EHBP1: variants seen among roughly 807,000 people sequenced by gnomAD.
EHBP1 encodes EH domain-binding protein 1.
EHBP1 carries 55 observed loss-of-function variants against 144.0 expected under a neutral mutation model. The observed-to-expected ratio is 0.38, with a 90% CI of 0.31 to 0.48. The LOEUF is 0.48. Among genes scored for constraint, EHBP1 ranks in the 20% least tolerant of loss-of-function variants. The pLI, the probability that EHBP1 is intolerant of heterozygous loss-of-function variation, is 0.98. For missense variants in EHBP1, 1,200 were observed against 1,364.2 expected (o/e 0.88, Z 1.90); for synonymous variants, 469 against 472.7 (o/e 0.99, Z 0.10).
chr2:62,871,261 G>T (rs2050458509), intron 9 of EHBP1, among the ~76,000 whole-genome samples: 1 of 152,150 alleles, frequency 6.6e-6, no homozygotes, highest in Non-Finnish European at 1.5e-5. Flanking sequence ...GACATCTAAT[G>T]TTTGCTTAAA....
At chr2:62,726,060 C>G (rs765314864) in intron 2 of EHBP1, among the ~76,000 whole-genome samples, 1 of 152,042 alleles carries the variant, frequency 6.6e-6, no homozygotes, top group Non-Finnish European at 1.5e-5. Flanking sequence ...CAAGACTGCC[C>G]TGCAGAGTTG....
intron 9 of EHBP1, among the ~76,000 whole-genome samples, chr2:62,873,281 G>A (rs888479582): frequency 1.1e-4 from 17 of 152,050 alleles, no homozygotes; most frequent in Admixed American, 5.2e-4. Flanking sequence ...ATGTTTAAAT[G>A]ATTAGTAACT....
At chr2:62,691,241 T>C (rs2033893744) in intron 1 of EHBP1, among the ~76,000 whole-genome samples, 1 of 152,242 alleles carries the variant, frequency 6.6e-6, no homozygotes, top group African/African-American at 2.4e-5. Flanking sequence ...AGTCTGGTGA[T>C]AGGCAGTTCA....
chr2:62,883,139 A>G (rs2051615660), intron 10 of EHBP1, among the ~76,000 whole-genome samples: 1 of 152,126 alleles, frequency 6.6e-6, no homozygotes, highest in Non-Finnish European at 1.5e-5. Flanking sequence ...AAGTAGTGAC[A>G]CTGCCAGGAT....
At chr2:62,874,710 A>T (rs1230322195) in intron 10 of EHBP1, among the ~76,000 whole-genome samples, 178 bp downstream of exon 10, 1 of 152,218 alleles carries the variant, frequency 6.6e-6, no homozygotes, top group African/African-American at 2.4e-5. Flanking sequence ...AGTTTACAGT[A>T]CAGTATGGAT....
chr2:62,886,960 G>A (rs2051981976), intron 10 of EHBP1, among the ~76,000 whole-genome samples: 1 of 152,064 alleles, frequency 6.6e-6, no homozygotes, highest in East Asian at 1.9e-4. Context: ...TTTTCTGTGG[G>A]CAATAGAAAG....
chr2:62,875,309 C>T (rs2050802172), intron 10 of EHBP1, among the ~76,000 whole-genome samples: 1 of 152,214 alleles, frequency 6.6e-6, no homozygotes, highest in Non-Finnish European at 1.5e-5. Context: ...AATTTGAGGT[C>T]CCAGATAACA....
intron 1 of EHBP1, among the ~76,000 whole-genome samples, chr2:62,686,029 C>T (rs2033706764): frequency 6.6e-6 from 1 of 152,152 alleles, no homozygotes; most frequent in Non-Finnish European, 1.5e-5. Context: ...AAATAGTATT[C>T]TCTCCATTTC....
intron 7 of EHBP1, among the ~76,000 whole-genome samples, chr2:62,835,715 C>G (rs2047172477): frequency 6.6e-6 from 1 of 152,178 alleles, no homozygotes; most frequent in African/African-American, 2.4e-5. Context: ...CTTTCCGAGT[C>G]AAAGAAAGGG....
chr2:62,939,467 G>A (rs1339911802), intron 10 of EHBP1, among the ~76,000 whole-genome samples: 1 of 152,078 alleles, frequency 6.6e-6, no homozygotes, highest in Non-Finnish European at 1.5e-5. Context: ...TACAGGTGGG[G>A]TTTCACCATG....
chr2:63,046,050 C>T lies in EHBP1; in HGVS notation c.*550C>T, dbSNP rs1026211577. On this transcript the variant is annotated 3_prime_UTR_variant, in exon 23 of 23. Transcript: ENST00000431489. ...TGTTCTATTTACCAGTGGAGTTTTT[C>T]TGCAGTGGTTGCGTTTCACTGTAAG... is the stretch of plus-strand genomic sequence containing the variant. 2.0e-5 allele frequency: 3 copies of T among 153,454 alleles called. No homozygotes were observed. Among genetic ancestry groups the T allele is most frequent in the Admixed American group, 6.5e-5 (1 of 15,374 alleles). The allele number at this position is 153,454 out of a possible 1,614,324, so 9.5% of individuals were successfully genotyped here.
intron 10 of EHBP1, among the ~76,000 whole-genome samples, chr2:62,875,843 G>A (rs1289263013): frequency 1.3e-5 from 2 of 152,104 alleles, no homozygotes; most frequent in Middle Eastern, 3.2e-3. Flanking sequence ...AATACAATGG[G>A]AAGTATTAAC....
At chr2:62,752,874 T>C (rs2039887100) in intron 3 of EHBP1, among the ~76,000 whole-genome samples, 1 of 152,204 alleles carries the variant, frequency 6.6e-6, no homozygotes, top group Non-Finnish European at 1.5e-5. Context: ...CTCCATCCCT[T>C]TATTTTGAGC....
chr2:62,756,768 CA>C (rs34717027), intron 3 of EHBP1, among the ~76,000 whole-genome samples: 30,311 of 76,606 alleles, frequency 0.4, 2,434 homozygotes, highest in Middle Eastern at 0.47. Flanking sequence ...AACTCTATCT[CA>C]AAAAAAAAAA....
chr2:62,843,327 G>C (rs917563888), intron 7 of EHBP1, among the ~76,000 whole-genome samples: 1 of 152,104 alleles, frequency 6.6e-6, no homozygotes, highest in Non-Finnish European at 1.5e-5. Flanking sequence ...ATAGTATCTT[G>C]TACAGGGTAG....
At chr2:62,784,306 A>G (rs1216531400) in intron 5 of EHBP1, among the ~76,000 whole-genome samples, 1 of 152,224 alleles carries the variant, frequency 6.6e-6, no homozygotes, top group Admixed American at 6.5e-5. Context: ...TTTTTTATAA[A>G]GGAGACCATT....
chr2:62,962,292 C>G (rs1435032323), intron 14 of EHBP1, among the ~76,000 whole-genome samples: 2 of 152,210 alleles, frequency 1.3e-5, no homozygotes, highest in East Asian at 3.8e-4. Context: ...TGCCACTGCA[C>G]TCTACCCTGG....
At chr2:62,931,070 A>C (rs2055946380) in intron 10 of EHBP1, among the ~76,000 whole-genome samples, 1 of 152,222 alleles carries the variant, frequency 6.6e-6, no homozygotes, top group African/African-American at 2.4e-5. Flanking sequence ...CACAATCAAC[A>C]GAGGGAAAAT....
At chr2:62,822,065 C>G (rs1435209179) in intron 5 of EHBP1, among the ~76,000 whole-genome samples, 1 of 151,922 alleles carries the variant, frequency 6.6e-6, no homozygotes, top group Non-Finnish European at 1.5e-5. Context: ...AATACTAGGT[C>G]TTATTCATTC....
Sources: gnomAD v4.1 joint callset for allele counts (sites outside exome capture counted in the v4.1 genomes callset) on GRCh38, gnomAD v4.1.1 for gene constraint, MANE v1.5 for transcripts, NCBI Gene and HGNC (gene_info 2026-07-23, HGNC 2026-07-21) for gene names.